RGSL1: variants seen among roughly 807,000 people sequenced by gnomAD.
RGSL1 encodes regulator of G protein signaling like 1, also known as regulator of G protein signaling protein-like.
Under a neutral mutation model 124.7 loss-of-function variants are expected in RGSL1, and 97 were observed. The observed-to-expected ratio is 0.78, with a 90% CI of 0.66 to 0.92. RGSL1 has a LOEUF of 0.92. Ranked by LOEUF, RGSL1 falls within the 40% of genes least tolerant of loss-of-function variation. The pLI, the probability that RGSL1 is intolerant of heterozygous loss-of-function variation, is 0.00. For synonymous variants in RGSL1, 424 were observed against 438.1 expected, an observed-to-expected ratio of 0.97 and a Z score of 0.40; for missense variants, 1,233 against 1,288.4, an observed-to-expected ratio of 0.96 and a Z score of 0.66.
intron 4 of RGSL1, chr1:182,460,669 G>A: frequency 2.2e-6 from 1 of 456,010 alleles, no homozygotes; most frequent in Non-Finnish European, 4.4e-6. Flanking sequence ...TGGTGCTGGA[G>A]GGACTCCCAG....
rs142519590 is a variant in RGSL1 at position 182,538,461 on chromosome 1, G to T, written c.2495-1786G>T. Among the ~76,000 whole-genome samples, 1,086 of 152,070 alleles carry T rather than the reference G, an allele frequency of 7.1e-3. 16 individuals are homozygous for T. Among genetic ancestry groups the T allele is most frequent in the African/African-American group, 0.025 (1,025 of 41,460 alleles). On this transcript the variant is annotated intron_variant, in intron 14 of 21. Transcript: ENST00000294854. ...GAGAATTGCTTGAACCCAGGAAGCG[G>T]AGCTTGCAATGAGCTGAGATCGTGC...
intron 9 of RGSL1, among the ~76,000 whole-genome samples, chr1:182,497,872 G>T (rs1656049230): frequency 6.6e-6 from 1 of 152,044 alleles, no homozygotes; most frequent in Non-Finnish European, 1.5e-5. Context: ...ATTTTGCTTT[G>T]TTCCATTACT....
rs1660685679 is a variant in RGSL1 at position 182,553,450 on chromosome 1, C to T, written c.3044-5C>T. 6.4e-7 allele frequency: 1 copy of T among 1,550,860 alleles called. No homozygotes were observed. Among genetic ancestry groups the T allele is most frequent in the African/African-American group, 1.4e-5 (1 of 73,056 alleles). On this transcript the variant is annotated splice_polypyrimidine_tract_variant and splice_region_variant and intron_variant, in intron 18 of 21. Coordinates refer to ENST00000294854, the MANE Select transcript of RGSL1 (RefSeq NM_001137669.2). Reference sequence around the variant, plus strand: ...TTTTTAATGCTTGTTTTTGTCCTTCCCCAGGAGACAATGCCATCTTAAGGT... The same window carrying T: ...TTTTTAATGCTTGTTTTTGTCCTTCTCCAGGAGACAATGCCATCTTAAGGT...
intron 8 of RGSL1, among the ~76,000 whole-genome samples, chr1:182,490,448 G>A (rs1007446037): frequency 6.6e-6 from 1 of 152,128 alleles, no homozygotes; most frequent in Non-Finnish European, 1.5e-5. Context: ...ACTTTAATAT[G>A]CACTCTGTAT....
rs760736826 is a variant in RGSL1 at position 182,525,654 on chromosome 1, CA to C, written c.1932-1924del. ...AAAGAACATATATTCAAGGGAACTACAGCAAGATTAAAGTTTATTTCACATC... is the reference window on the plus strand; with the variant it reads ...AAAGAACATATATTCAAGGGAACTACGCAAGATTAAAGTTTATTTCACATC... On this transcript the variant is annotated intron_variant, in intron 10 of 21. Coordinates refer to ENST00000294854, the MANE Select transcript of RGSL1 (RefSeq NM_001137669.2). 6.2e-4 allele frequency among the ~76,000 whole-genome samples: 94 copies of C among 152,124 alleles called. 1 individual carries two copies. Among genetic ancestry groups the C allele is most frequent in the Non-Finnish European group, 8.7e-4 (59 of 67,968 alleles).
intron 10 of RGSL1, among the ~76,000 whole-genome samples, chr1:182,525,009 A>C (rs1658637184): frequency 6.6e-6 from 1 of 152,160 alleles, no homozygotes; most frequent in Non-Finnish European, 1.5e-5. Flanking sequence ...ATAAGAATTA[A>C]AAAGAGAAAA....
intron 8 of RGSL1, among the ~76,000 whole-genome samples, chr1:182,492,335 C>T (rs948722891): frequency 1.4e-4 from 22 of 152,188 alleles, no homozygotes; most frequent in Admixed American, 2.6e-4. Context: ...AGAACACATA[C>T]ATTTGCTACT....
chr1:182,557,677 G>T (rs984945166), intron 21 of RGSL1, among the ~76,000 whole-genome samples: 5 of 152,052 alleles, frequency 3.3e-5, no homozygotes, highest in Non-Finnish European at 5.9e-5. Context: ...CATTCACCAT[G>T]GTTATACTCA....
Position 182,473,609 on chromosome 1 carries a change from CCAAT to C in RGSL1, c.502_505del (p.Ser168ProfsTer7), listed in dbSNP as rs1639402236. The C allele has an allele frequency of 3.9e-6, 6 of 1,549,416 alleles. No individual in the cohort carries two copies. Among genetic ancestry groups the C allele is most frequent in the Non-Finnish European group, 5.2e-6 (6 of 1,145,952 alleles). ...TGAACCTCTCCATCTGGCATCCCAACCAATCAACCACTAGGAGGGAGATCCTGAG... is the reference window on the plus strand; with the variant it reads ...TGAACCTCTCCATCTGGCATCCCAACCAACCACTAGGAGGGAGATCCTGAG... On this transcript the variant is annotated frameshift_variant, in exon 6 of 22. Coordinates refer to ENST00000294854, the MANE Select transcript of RGSL1 (RefSeq NM_001137669.2). LOFTEE classifies it high-confidence loss of function.
chr1:182,525,845 A>G (rs1420464539), intron 10 of RGSL1, among the ~76,000 whole-genome samples: 2 of 89,554 alleles, frequency 2.2e-5, no homozygotes, highest in African/African-American at 4.4e-5. Flanking sequence ...GTTAAACTGT[A>G]AGATATATTG....
At chr1:182,463,361 G>A (rs1426714174) in intron 4 of RGSL1, among the ~76,000 whole-genome samples, 1 of 149,716 alleles carries the variant, frequency 6.7e-6, no homozygotes, top group African/African-American at 2.5e-5. Context: ...TAAAAAGACA[G>A]AGATTGGCAG....
chr1:182,472,306 G>A, intron 4 of RGSL1, 90 bp from the exon 5 acceptor site: 1 of 1,192,712 alleles, frequency 8.4e-7, no homozygotes, highest in Non-Finnish European at 1.2e-6. Context: ...GGAACAGGCT[G>A]GTGGGGGATG....
intron 4 of RGSL1, among the ~76,000 whole-genome samples, chr1:182,467,039 C>G (rs558360217): frequency 1.3e-5 from 2 of 152,146 alleles, no homozygotes; most frequent in African/African-American, 4.8e-5. Context: ...GAATAAAATA[C>G]CTAGGAATCC....
intron 8 of RGSL1, among the ~76,000 whole-genome samples, chr1:182,489,428 AGACT>A (rs1333340584): frequency 1.3e-5 from 2 of 152,204 alleles, no homozygotes; most frequent in Non-Finnish European, 2.9e-5. Context: ...GAATCCAGAC[AGACT>A]GACTGTAGAG....
chr1:182,528,907 C>T (rs1433741489), intron 11 of RGSL1, among the ~76,000 whole-genome samples: 1 of 152,210 alleles, frequency 6.6e-6, no homozygotes, highest in Non-Finnish European at 1.5e-5. Flanking sequence ...TGGAAGGCAC[C>T]TGTCTACAGG....
chr1:182,530,123 T>C, intron 11 of RGSL1, 121 bp from the exon 12 acceptor site: 2 of 667,392 alleles, frequency 3.0e-6, no homozygotes, highest in Admixed American at 2.8e-5. Context: ...GATCAGAGTC[T>C]AGCCAGATTG....
chr1:182,476,973 A>G (rs1347310385), intron 6 of RGSL1, among the ~76,000 whole-genome samples: 13 of 152,152 alleles, frequency 8.5e-5, no homozygotes, highest in African/African-American at 3.1e-4. Context: ...TCCCCATTTT[A>G]TTTTTGTCCG....
At position 182,474,465 on chromosome 1, in the gene RGSL1, A is replaced by G; in HGVS notation, c.1354A>G (p.Ile452Val). 6.4e-7 allele frequency: 1 copy of G among 1,551,932 alleles called. No individual in the cohort carries two copies. The highest frequency in any genetic ancestry group is 8.7e-7 in the Non-Finnish European group (1 of 1,146,990). ...GPCLPLKSQT[I>V]QGLKELLPSG... ...GTGCTTACCACTCAAATCCCAAACC[A>G]TTCAGGGCCTGAAGGAACTATTGCC... The change falls in exon 6 of 22, where the codon ATT (isoleucine) becomes GTT (valine). Residue 452 changes from isoleucine (I) to valine (V), a missense_variant. Coordinates refer to ENST00000294854, the MANE Select transcript of RGSL1 (RefSeq NM_001137669.2).
chr1:182,450,126 T>C, upstream of RGSL1: 1 of 1,551,804 alleles, frequency 6.4e-7, no homozygotes, highest in Non-Finnish European at 8.7e-7. Context: ...GGGGTAATTC[T>C]GCCCCTAACA....
Sources: allele counts gnomAD v4.1 joint callset (sites outside exome capture counted in the v4.1 genomes callset), GRCh38; gene constraint gnomAD v4.1.1; transcripts MANE v1.5; gene names NCBI Gene and HGNC (gene_info 2026-07-23, HGNC 2026-07-21).